The following ADGRL1 variants were observed in gnomAD, a reference collection of about 807,000 sequenced individuals.
ADGRL1 encodes the protein CIRL-1.
Under a neutral mutation model 148.9 loss-of-function variants are expected in ADGRL1, and 31 were observed. The ratio of observed to expected loss-of-function variants is 0.21; its 90% CI spans 0.16 to 0.28. The LOEUF is 0.28. Among genes scored for constraint, ADGRL1 ranks in the 10% least tolerant of loss-of-function variants. The probability of loss-of-function intolerance (pLI) is 1.00; values close to 1 mark genes in which losing one functional copy is unlikely to be tolerated. For missense variants in ADGRL1, 1,521 were observed against 2,058.8 expected (o/e 0.74, Z 5.05); for synonymous variants, 937 against 900.3 (o/e 1.04, Z -0.73).
At chr19:14,172,139 T>C (rs572443987) in intron 3 of ADGRL1, among the ~76,000 whole-genome samples, 15 of 152,220 alleles carry the variant, frequency 9.9e-5, no homozygotes, top group African/African-American at 2.6e-4. Context: ...AATAGAACAC[T>C]GGCTGGGCGT....
In ADGRL1 at chr19:14,159,336, C is replaced by G; in HGVS notation, c.2023+65G>C. The stretch of plus-strand genomic sequence containing the variant: ...GGGTCGGATAGCCCCCCTGTGGCCT[C>G]CAGGCCAGAACCCCGTGGTTTAAGG... On this transcript the variant is annotated intron_variant, in intron 10 of 22. Coordinates refer to ENST00000361434, the MANE Select transcript of ADGRL1 (RefSeq NM_014921.5). This position sits in a 1 kb window ranked among gnomAD's most constrained non-coding sequence, Gnocchi z 6.0. 1 of 1,571,932 alleles carries G rather than the reference C, an allele frequency of 6.4e-7. No individual in the cohort carries two copies. The highest frequency in any genetic ancestry group is 8.7e-7 in the Non-Finnish European group (1 of 1,155,032).
At chr19:14,177,054 C>G (rs1158317915) in intron 3 of ADGRL1, among the ~76,000 whole-genome samples, 1 of 151,922 alleles carries the variant, frequency 6.6e-6, no homozygotes, top group Non-Finnish European at 1.5e-5. Context: ...ATTACAAAAC[C>G]CTGTCTCTAC....
intron 1 of ADGRL1, among the ~76,000 whole-genome samples, chr19:14,193,067 G>T (rs1195388751): frequency 6.6e-6 from 1 of 152,034 alleles, no homozygotes; most frequent in Non-Finnish European, 1.5e-5. Context: ...CACAGGCAGG[G>T]TGCCATTGCC....
rs1215485495 is a variant in ADGRL1, at chr19:14,155,840, G to T, written c.3125+270C>A. On this transcript the variant is annotated intron_variant, in intron 17 of 22. Coordinates refer to ENST00000361434, the MANE Select transcript of ADGRL1 (RefSeq NM_014921.5). This position sits in a 1 kb window ranked among gnomAD's most constrained non-coding sequence, Gnocchi z 5.0. ...TTTGCTGCCTATTTCTCTTTAAGTT[G>T]CCCTTAAACAGACTCACCTTTTGAA... The T allele has an allele frequency of 1.4e-5, 8 of 576,862 alleles. No homozygotes were observed. Among genetic ancestry groups the T allele is most frequent in the Non-Finnish European group, 2.5e-5 (8 of 323,560 alleles). 35.7% of individuals were successfully genotyped at this position (576,862 alleles called of 1,614,324 possible).
rs1273547234 is a variant in ADGRL1 at position 14,151,035 on chromosome 19, T to G, written c.4248A>C (p.Glu1416Asp). 2 of 1,255,590 alleles carry G rather than the reference T, an allele frequency of 1.6e-6. No individual in the cohort carries two copies. Among genetic ancestry groups the G allele is most frequent in the African/African-American group, 3.2e-5 (2 of 63,370 alleles). The allele number at this position is 1,255,590 out of a possible 1,614,324, so 77.8% of individuals were successfully genotyped here. A position where few individuals can be genotyped will look rare whatever the true frequency, so the allele number is the denominator to read the frequency against. ...PPPPAPPGPP[E>D]IYYTSRPPAL... ...CTGGCGGGCGCGAGGTGTAGTAGAT[T>G]TCGGGGGGGCCGGGGGGTGCGGGAG... The change falls in exon 23 of 23, where the codon GAA (glutamate) becomes GAC (aspartate). Residue 1416 changes from glutamate to aspartate, a missense_variant. Physicochemically the swap from Glu to Asp is conservative, Grantham distance 45. This residue lies in a region of ADGRL1 where 390 missense variants were observed against 375.0 expected (regional missense o/e 1.04). Coordinates refer to ENST00000361434, the MANE Select transcript of ADGRL1 (RefSeq NM_014921.5).
intron 1 of ADGRL1, among the ~76,000 whole-genome samples, chr19:14,184,408 G>C (rs972581318): frequency 9.9e-5 from 15 of 151,582 alleles, no homozygotes; most frequent in African/African-American, 3.4e-4. Flanking sequence ...CAGGCACAGC[G>C]GCTCAGTTTT....
rs763275127 is a variant in ADGRL1 at position 14,177,503 on chromosome 19, C to A, written c.284+28G>T. The A allele has an allele frequency of 3.1e-6, 5 of 1,601,974 alleles. No homozygotes were observed. In the South Asian group the frequency reaches 3.3e-5, roughly 11 times the overall value. On this transcript the variant is annotated intron_variant, in intron 3 of 22. Coordinates refer to ENST00000361434, the MANE Select transcript of ADGRL1 (RefSeq NM_014921.5). ...CAGTGCTTTTAGGCGGGCACTTCAT[C>A]CAGGAACTGCCACGAGAGCCCACTC... is the stretch of plus-strand genomic sequence containing the variant.
In ADGRL1 at chr19:14,156,867, G is replaced by A; in HGVS notation, c.2966+58C>T. On this transcript the variant is annotated intron_variant, in intron 15 of 22. Transcript: ENST00000361434. ...CCGCCCTGAGGGTCCTGGTCCAAGG[G>A]GTGCCGCCCAGCAGGGAACCAGGTG... 3.2e-6 allele frequency: 5 copies of A among 1,579,864 alleles called. 1 individual carries two copies. Among genetic ancestry groups the A allele is most frequent in the East Asian group, 4.6e-5 (2 of 43,930 alleles).
chr19:14,153,795 A>G (rs549407097), intron 18 of ADGRL1, among the ~76,000 whole-genome samples: 1 of 151,766 alleles, frequency 6.6e-6, no homozygotes, highest in East Asian at 2.0e-4. Context: ...TACTAAAAAT[A>G]CAAAAATTAG....
At chr19:14,171,051 C>T (rs1356206773) in intron 3 of ADGRL1, 1 of 400,600 alleles carries the variant, frequency 2.5e-6, no homozygotes, top group African/African-American at 2.1e-5. Context: ...TTATCACCAT[C>T]CCCTCCGTGC....
chr19:14,204,407 G>C (rs1158216351), intron 1 of ADGRL1, among the ~76,000 whole-genome samples: 1 of 152,038 alleles, frequency 6.6e-6, no homozygotes, highest in Non-Finnish European at 1.5e-5. Context: ...TCAATTCAGG[G>C]GGCCAGGCCC....
Position 14,170,765 on chromosome 19 carries a change from A to G in ADGRL1, c.311T>C (p.Val104Ala), listed in dbSNP as rs891213121. The G allele has an allele frequency of 6.2e-7, 1 of 1,605,714 alleles. No individual in the cohort carries two copies. Among genetic ancestry groups the G allele is most frequent in the Non-Finnish European group, 8.5e-7 (1 of 1,174,924 alleles). ...QRCNNRTQCVVVAGSDAFPDP... is the reference protein window; with the variant it reads ...QRCNNRTQCVAVAGSDAFPDP... ...AGGAAAGGCATCCGAGCCGGCGACC[A>G]CCACGCACTGGGTGCGGTTGTTACA... is the stretch of plus-strand genomic sequence containing the variant. Residue 104 changes from valine (V) to alanine (A), a missense_variant, in exon 4 of 23, where the codon GTG (valine) becomes GCG (alanine). Transcript: ENST00000361434.
Position 14,157,297 on chromosome 19 carries a change from AG to A in ADGRL1, c.2698del (p.Leu900TrpfsTer48). 6.2e-7 allele frequency: 1 copy of A among 1,614,162 alleles called. No homozygotes were observed. Among genetic ancestry groups the A allele is most frequent in the Non-Finnish European group, 8.5e-7 (1 of 1,180,020 alleles). On this transcript the variant is annotated frameshift_variant, in exon 14 of 23. Coordinates refer to ENST00000361434, the MANE Select transcript of ADGRL1 (RefSeq NM_014921.5). LOFTEE classifies it high-confidence loss of function. This position sits in a 1 kb window ranked among gnomAD's most constrained non-coding sequence, Gnocchi z 7.5. ...CCCGACCAGGAAGAGCAGCTCAGCC[AG>A]GAAGAGGTTGATGCACAGGTTCTTG... Reference protein sequence around the residue: ...IHKNLCINLFLAELLFLVGID... With the variant: ...IHKNLCINLFXAELLFLVGID...
At chr19:14,193,570 G>A (rs955281958) in intron 1 of ADGRL1, among the ~76,000 whole-genome samples, 4 of 151,978 alleles carry the variant, frequency 2.6e-5, no homozygotes, top group Non-Finnish European at 4.4e-5. Flanking sequence ...CTGGGCAAGA[G>A]AGTGGGACCC....
In ADGRL1 at chr19:14,157,163, G is replaced by A. The variant is rs1304649326; in HGVS notation, c.2746-18C>T. On this transcript the variant is annotated intron_variant, in intron 14 of 22. Transcript: ENST00000361434. The surrounding 1 kb of genome is among the most constrained non-coding windows in gnomAD (Gnocchi z 7.5). ...CAGGCAATCTGCGGGGAGCACTGAG[G>A]GTGAGGGGCTGCTGCCTGGACAGGT... The A allele has an allele frequency of 1.2e-5, 19 of 1,613,658 alleles. No homozygotes were observed. Among genetic ancestry groups the A allele is most frequent in the Non-Finnish European group, 1.4e-5 (16 of 1,179,830 alleles).
At chr19:14,163,497 A>AGAGAGAGAGAGAGGGG (rs1168521164) in intron 4 of ADGRL1, 91 bp from the exon 5 acceptor site, 1 of 717,096 alleles carries the variant, frequency 1.4e-6, no homozygotes, top group African/African-American at 2.1e-5. Context: ...AGAGAGAGAG[A>AGAGAGAGAGAGAGGGG]GGGGGGAGAG....
chr19:14,163,627 C>T (rs562074110), intron 4 of ADGRL1, among the ~76,000 whole-genome samples: 4 of 152,238 alleles, frequency 2.6e-5, no homozygotes, highest in South Asian at 2.1e-4. Flanking sequence ...CCGACCCCCT[C>T]CCCACGCCCT....
intron 1 of ADGRL1, among the ~76,000 whole-genome samples, chr19:14,193,293 A>AC (rs1555792509): frequency 4.7e-5 from 7 of 147,552 alleles, no homozygotes; most frequent in Non-Finnish European, 9.0e-5. Context: ...AAAAAAAAAA[A>AC]CTCAGGCTGG....
chr19:14,179,204 A>T (rs1971023118), intron 2 of ADGRL1, among the ~76,000 whole-genome samples: 1 of 150,904 alleles, frequency 6.6e-6, no homozygotes, highest in African/African-American at 2.4e-5. Context: ...AAAAAATAAA[A>T]AAAAAATAGG....
Sources: gnomAD v4.1 joint callset for allele counts (sites outside exome capture counted in the v4.1 genomes callset) on GRCh38, gnomAD v4.1.1 for gene constraint, gnomAD v4.1.1 regional missense constraint, Gnocchi (gnomAD v3.1) non-coding constraint, MANE v1.5 for transcripts, NCBI Gene and HGNC (gene_info 2026-07-23, HGNC 2026-07-21) for gene names.